LEMD3: variants seen among roughly 807,000 people sequenced by gnomAD.
The protein encoded by LEMD3 is LEM domain containing 3.
In LEMD3, 33 loss-of-function variants were observed where a neutral mutation model predicts 95.2. The observed-to-expected ratio is 0.35, with a 90% CI of 0.26 to 0.46. The LOEUF (loss-of-function observed/expected upper bound fraction) is 0.46, where lower values mean the gene tolerates loss of function less well. LEMD3 is among the 20% of genes least tolerant of loss of function. The pLI is 1.00. For missense variants in LEMD3, 1,210 were observed against 1,192.8 expected (o/e 1.01, Z -0.21); for synonymous variants, 525 against 474.6 (o/e 1.11, Z -1.38).
intron 1 of LEMD3, among the ~76,000 whole-genome samples, chr12:65,193,244 A>G (rs1869301096): frequency 6.6e-6 from 1 of 152,190 alleles, no homozygotes; most frequent in East Asian, 1.9e-4. Flanking sequence ...CAGGAATGAA[A>G]GGAAGTAAAG....
At chr12:65,241,725 C>G (rs986126872) in intron 9 of LEMD3, among the ~76,000 whole-genome samples, 15 of 152,098 alleles carry the variant, frequency 9.9e-5, no homozygotes, top group African/African-American at 3.4e-4. Flanking sequence ...GACTTTTTCC[C>G]TATAAAAGTA....
intron 1 of LEMD3, among the ~76,000 whole-genome samples, chr12:65,174,985 G>C (rs1868670471): frequency 6.6e-6 from 1 of 152,148 alleles, no homozygotes. Flanking sequence ...CTTTGATCAG[G>C]AGAAGAGCAT....
rs1340639701 is a variant in LEMD3, at chr12:65,247,461, T to G, written c.*1136T>G. ...ACTTGCAATTTTGGGTCATGAAAGT[T>G]TGCAATATAGTAAATGCACGATTGA... On this transcript the variant is annotated 3_prime_UTR_variant, in exon 13 of 13. Coordinates refer to ENST00000308330, the MANE Select transcript of LEMD3 (RefSeq NM_014319.5). The G allele has an allele frequency of 1.3e-5, 2 of 152,450 alleles. No homozygotes were observed. The highest frequency in any genetic ancestry group is 4.8e-5 in the African/African-American group (2 of 41,452). The allele number at this position is 152,450 out of a possible 1,614,324, so 9.4% of individuals were successfully genotyped here.
At chr12:65,216,337 A>G (rs1029371459) in intron 3 of LEMD3, among the ~76,000 whole-genome samples, 7 of 152,020 alleles carry the variant, frequency 4.6e-5, no homozygotes, top group African/African-American at 1.7e-4. Context: ...CTTAAGTATC[A>G]GAGGAATTAG....
At chr12:65,175,096 T>C (rs1165968508) in intron 1 of LEMD3, among the ~76,000 whole-genome samples, 2 of 151,992 alleles carry the variant, frequency 1.3e-5, no homozygotes, top group East Asian at 3.9e-4. Flanking sequence ...ACATAATGAA[T>C]GAAGGGGAAA....
chr12:65,205,177 A>G (rs939701411), intron 1 of LEMD3, among the ~76,000 whole-genome samples: 2 of 152,128 alleles, frequency 1.3e-5, no homozygotes, highest in African/African-American at 4.8e-5. Flanking sequence ...TGAGAACAGC[A>G]TGGGGGAAAC....
chr12:65,228,685 C>T (rs540669107), intron 4 of LEMD3, among the ~76,000 whole-genome samples: 17 of 152,216 alleles, frequency 1.1e-4, no homozygotes, highest in South Asian at 8.3e-4. Context: ...CGTGAGCCAC[C>T]GTGCCTGGCC....
At chr12:65,241,272 CAT>C (rs1210389310) in intron 9 of LEMD3, among the ~76,000 whole-genome samples, 185 bp downstream of exon 9, 1 of 152,086 alleles carries the variant, frequency 6.6e-6, no homozygotes. Flanking sequence ...CTAATGCAAA[CAT>C]AAATGGTTTA....
chr12:65,226,551 G>T (rs533010137), intron 4 of LEMD3, among the ~76,000 whole-genome samples: 2 of 152,222 alleles, frequency 1.3e-5, no homozygotes, highest in African/African-American at 4.8e-5. Flanking sequence ...CAAAGTTTTG[G>T]TAATAGTCTC....
intron 1 of LEMD3, among the ~76,000 whole-genome samples, chr12:65,191,556 C>T (rs1416654238): frequency 3.3e-5 from 5 of 152,096 alleles, no homozygotes; most frequent in African/African-American, 1.2e-4. Context: ...TAACATCTCT[C>T]TTTTTATGAG....
At chr12:65,188,904 GATGACA>G (rs1009780662) in intron 1 of LEMD3, among the ~76,000 whole-genome samples, 28 of 152,142 alleles carry the variant, frequency 1.8e-4, no homozygotes, top group African/African-American at 6.8e-4. Flanking sequence ...GCACCAGGGA[GATGACA>G]ATGGGCACTA....
intron 1 of LEMD3, 144 bp from the exon 2 acceptor site, chr12:65,210,782 T>G: frequency 1.3e-6 from 1 of 755,914 alleles, no homozygotes; most frequent in South Asian, 1.4e-5. Flanking sequence ...TCCCTAACCT[T>G]TATTATCACC....
chr12:65,240,325 C>A, intron 8 of LEMD3, 87 bp downstream of exon 8: 1 of 997,226 alleles, frequency 1.0e-6, no homozygotes, highest in South Asian at 1.3e-5. Context: ...AGCTGTGACC[C>A]TTCTCAACTA....
chr12:65,180,335 C>T (rs1868863513), intron 1 of LEMD3, among the ~76,000 whole-genome samples: 1 of 149,882 alleles, frequency 6.7e-6, no homozygotes, highest in South Asian at 2.1e-4. Context: ...CTTTAAACTG[C>T]ATCAGTTTAT....
At position 65,192,183 on chromosome 12, in the gene LEMD3, A is replaced by C. The variant is rs1052777346; in HGVS notation, c.1523-18743A>C. 3.3e-5 allele frequency among the ~76,000 whole-genome samples: 5 copies of C among 152,222 alleles called. No individual in the cohort carries two copies. The South Asian group carries it at 1.0e-3, about 32-fold the overall frequency. ...TAAGCAAAGACCTAATAAAGCAAGA[A>C]CAGACCAATACTTCAAGAAAAGTTT... On this transcript the variant is annotated intron_variant, in intron 1 of 12. Transcript: ENST00000308330.
intron 6 of LEMD3, 136 bp downstream of exon 6, chr12:65,238,950 A>G: frequency 1.3e-6 from 1 of 766,088 alleles, no homozygotes. Flanking sequence ...ACTAAATATA[A>G]TAAAAATAAT....
chr12:65,181,815 G>C (rs1390891883), intron 1 of LEMD3, among the ~76,000 whole-genome samples: 1 of 151,824 alleles, frequency 6.6e-6, no homozygotes, highest in African/African-American at 2.4e-5. Flanking sequence ...TGCCAAAAAT[G>C]AAAATGTTAT....
At chr12:65,184,974 A>T (rs1413775524) in intron 1 of LEMD3, among the ~76,000 whole-genome samples, 1 of 151,688 alleles carries the variant, frequency 6.6e-6, no homozygotes, top group Non-Finnish European at 1.5e-5. Context: ...CTCAATTCAG[A>T]TACTTTTTTT....
At chr12:65,228,200 G>C (rs1171700649) in intron 4 of LEMD3, among the ~76,000 whole-genome samples, 1 of 152,026 alleles carries the variant, frequency 6.6e-6, no homozygotes, top group Non-Finnish European at 1.5e-5. Flanking sequence ...ACAGATGCGG[G>C]GTTGGGGTAA....
Sources: allele counts gnomAD v4.1 joint callset (sites outside exome capture counted in the v4.1 genomes callset), GRCh38; gene constraint gnomAD v4.1.1; transcripts MANE v1.5; gene names NCBI Gene and HGNC (gene_info 2026-07-23, HGNC 2026-07-21).